Variants in SPATA6 observed in about 807,000 individuals in gnomAD.
The protein encoded by SPATA6 is spermatogenesis associated 6, also known as spermatogenesis-associated protein 6.
Under a neutral mutation model 65.3 loss-of-function variants are expected in SPATA6, and 56 were observed. That is an observed-to-expected ratio of 0.86 (90% CI 0.69 to 1.07). The LOEUF is 1.07. Ranked by LOEUF, SPATA6 falls within the 50% of genes least tolerant of loss-of-function variation. SPATA6 has a pLI of 0.00. For synonymous variants in SPATA6, 199 were observed against 213.2 expected, an observed-to-expected ratio of 0.93 and a Z score of 0.58; for missense variants, 590 against 594.8, an observed-to-expected ratio of 0.99 and a Z score of 0.08.
intron 9 of SPATA6, among the ~76,000 whole-genome samples, chr1:48,361,833 A>G (rs1254196877): frequency 6.6e-6 from 1 of 152,158 alleles, no homozygotes; most frequent in Non-Finnish European, 1.5e-5. Flanking sequence ...CAACACTACC[A>G]TAATTTTCAC....
chr1:48,266,159 G>T, the SPATA6 span, among the ~76,000 whole-genome samples: 1 of 152,142 alleles, frequency 6.6e-6, no homozygotes, highest in African/African-American at 2.4e-5. Context: ...CAAATGTTTG[G>T]AGCTATTCAC....
intron 6 of SPATA6, chr1:48,400,841 C>T: frequency 7.9e-7 from 1 of 1,266,600 alleles, no homozygotes; most frequent in Non-Finnish European, 1.0e-6. Context: ...CCTTCTCCAC[C>T]TTGTTCAATG....
intron 9 of SPATA6, among the ~76,000 whole-genome samples, chr1:48,373,868 CT>C (rs1346901655): frequency 6.6e-6 from 1 of 152,212 alleles, no homozygotes; most frequent in Non-Finnish European, 1.5e-5. Context: ...TTACTTCCCC[CT>C]GGGTCCTTCC....
chr1:48,455,525 C>T (rs1656934100), intron 1 of SPATA6, among the ~76,000 whole-genome samples: 1 of 151,998 alleles, frequency 6.6e-6, no homozygotes, highest in Admixed American at 6.6e-5. Flanking sequence ...GGACTACAGG[C>T]ACCCGCCACC....
intron 11 of SPATA6, among the ~76,000 whole-genome samples, chr1:48,308,576 G>C (rs1645119109): frequency 6.6e-6 from 1 of 152,054 alleles, no homozygotes; most frequent in Admixed American, 6.6e-5. Context: ...CTGAGCTACT[G>C]TCTAGTGTCC....
Position 48,365,114 on chromosome 1 carries a change from T to C in SPATA6, c.910-5344A>G, listed in dbSNP as rs563305615. On this transcript the variant is annotated intron_variant, in intron 9 of 12. Coordinates refer to ENST00000371847, the MANE Select transcript of SPATA6 (RefSeq NM_019073.4). ...GTCAAAGATCAGATAGTTGTAGATA[T>C]GCGTCATTATTTCTGAGGGCTCTGT... 5.7e-3 allele frequency among the ~76,000 whole-genome samples: 864 copies of C among 152,308 alleles called. 11 individuals are homozygous for C. The highest frequency in any genetic ancestry group is 0.02 in the African/African-American group (840 of 41,568).
At chr1:48,358,195 GA>G (rs1646710802) in intron 10 of SPATA6, among the ~76,000 whole-genome samples, 1 of 151,988 alleles carries the variant, frequency 6.6e-6, no homozygotes, top group Admixed American at 6.6e-5. Flanking sequence ...GATCAATCCA[GA>G]AAAGACTGAG....
At chr1:48,288,972 CT>C in the SPATA6 span, among the ~76,000 whole-genome samples, 1 of 152,232 alleles carries the variant, frequency 6.6e-6, no homozygotes, top group Non-Finnish European at 1.5e-5. Flanking sequence ...TTAAATGTCC[CT>C]GTCTGACAGC....
At chr1:48,301,176 CATTT>C (rs375409524) in intron 12 of SPATA6, among the ~76,000 whole-genome samples, 4 of 151,754 alleles carry the variant, frequency 2.6e-5, no homozygotes, top group African/African-American at 7.3e-5. Context: ...TGAATAAACA[CATTT>C]AGTAAGGTTG....
At chr1:48,356,906 TA>T (rs1646677691) in intron 10 of SPATA6, among the ~76,000 whole-genome samples, 1 of 152,200 alleles carries the variant, frequency 6.6e-6, no homozygotes, top group Non-Finnish European at 1.5e-5. Context: ...AATAATCAAT[TA>T]TCTAAACTTT....
rs146894721 is a variant in SPATA6 at position 48,456,018 on chromosome 1, T to C, written c.52-2887A>G. 1.6e-3 allele frequency among the ~76,000 whole-genome samples: 238 copies of C among 152,268 alleles called. 1 individual carries two copies. In the East Asian group the frequency reaches 0.038, roughly 24 times the overall value. On this transcript the variant is annotated intron_variant, in intron 1 of 12. Transcript: ENST00000371847. ...GCAAGCTATGACATAGACTTGGCAA[T>C]TTAGAAGAGCATGCACATGTGCAAA...
At position 48,298,704 on chromosome 1, in the gene SPATA6, T is replaced by A. The variant is rs1442092235; in HGVS notation, c.*9A>T. ...ACACGGACACTAATGAGGTTTATCA[T>A]GGATGGTCTCAGAAGCTTTCCTGTG... On this transcript the variant is annotated 3_prime_UTR_variant, in exon 13 of 13. Transcript: ENST00000371847. The A allele has an allele frequency of 1.2e-6, 2 of 1,608,392 alleles. No homozygotes were observed. Among genetic ancestry groups the A allele is most frequent in the Non-Finnish European group, 1.7e-6 (2 of 1,177,046 alleles).
rs1185564726 is a variant in SPATA6, at chr1:48,298,618, ATTT to A, written c.*92_*94del. On this transcript the variant is annotated 3_prime_UTR_variant, in exon 13 of 13. Transcript: ENST00000371847. The stretch of plus-strand genomic sequence containing the variant: ...AACTATTGTACTTAGTTATAATCCC[ATTT>A]TTTTTAAAAAAAGGAATACAGATAT... The A allele has an allele frequency of 2.4e-6, 3 of 1,250,242 alleles. No individual in the cohort carries two copies. Among genetic ancestry groups the A allele is most frequent in the Non-Finnish European group, 3.3e-6 (3 of 907,136 alleles). 77.4% of individuals were successfully genotyped at this position (1,250,242 alleles called of 1,614,324 possible).
chr1:48,335,900 A>T (rs1646046190), intron 11 of SPATA6, among the ~76,000 whole-genome samples: 1 of 152,152 alleles, frequency 6.6e-6, no homozygotes, highest in African/African-American at 2.4e-5. Flanking sequence ...CAAAGATCTA[A>T]CATCTAGAAT....
intron 11 of SPATA6, chr1:48,355,446 T>C: frequency 5.3e-6 from 2 of 379,872 alleles, no homozygotes; most frequent in South Asian, 6.5e-5. Flanking sequence ...TCACTAACAT[T>C]GTTTATAGTT....
intron 9 of SPATA6, among the ~76,000 whole-genome samples, chr1:48,362,386 G>T (rs1240823913): frequency 2.0e-5 from 3 of 152,154 alleles, no homozygotes; most frequent in Non-Finnish European, 2.9e-5. Context: ...AATGTCAATT[G>T]AGACATGTTA....
At chr1:48,353,160 T>A (rs560109808) in intron 11 of SPATA6, among the ~76,000 whole-genome samples, 2 of 151,948 alleles carry the variant, frequency 1.3e-5, no homozygotes, top group South Asian at 4.1e-4. Context: ...CAAAAATAAT[T>A]TCTTGTGTTT....
At position 48,378,483 on chromosome 1, in the gene SPATA6, A is replaced by T. The variant is rs1648179894; in HGVS notation, c.909+6826T>A. On this transcript the variant is annotated intron_variant, in intron 9 of 12. Transcript: ENST00000371847. ...CACTGCTGATAAAGACATACACAAG[A>T]CTGGGAAGAAAAAGAGGTTTAATTG... 2.0e-5 allele frequency among the ~76,000 whole-genome samples: 3 copies of T among 152,272 alleles called. No individual in the cohort carries two copies. The South Asian group carries it at 6.2e-4, about 32-fold the overall frequency.
chr1:48,269,930 T>C, the SPATA6 span, among the ~76,000 whole-genome samples: 1 of 152,052 alleles, frequency 6.6e-6, no homozygotes, highest in Non-Finnish European at 1.5e-5. Flanking sequence ...GTTATTTTCA[T>C]TGATCAATGA....
Sources: allele counts gnomAD v4.1 joint callset (sites outside exome capture counted in the v4.1 genomes callset), GRCh38; gene constraint gnomAD v4.1.1; transcripts MANE v1.5; gene names NCBI Gene and HGNC (gene_info 2026-07-23, HGNC 2026-07-21).